RBFOX1: variants seen among roughly 807,000 people sequenced by gnomAD.
The protein encoded by RBFOX1 is RNA binding fox-1 homolog 1.
In RBFOX1, 8 loss-of-function variants were observed where a neutral mutation model predicts 57.7. The observed-to-expected ratio is 0.14, with a 90% CI of 0.08 to 0.25. The LOEUF (loss-of-function observed/expected upper bound fraction) is 0.25, where lower values mean the gene tolerates loss of function less well. RBFOX1 is among the 10% of genes least tolerant of loss of function. RBFOX1 has a pLI of 1.00. For missense variants in RBFOX1, 611 were observed against 548.5 expected (o/e 1.11, Z -1.14); for synonymous variants, 326 against 222.4 (o/e 1.47, Z -4.15).
At chr16:6,592,891 CAG>C (rs1234777312) in intron 2 of RBFOX1, among the ~76,000 whole-genome samples, 6 of 152,094 alleles carry the variant, frequency 3.9e-5, no homozygotes, top group African/African-American at 1.4e-4. Flanking sequence ...TGTGATTATG[CAG>C]AGAGAGTGGA....
At chr16:6,956,107 G>C (rs945974113) in intron 3 of RBFOX1, among the ~76,000 whole-genome samples, 1 of 152,052 alleles carries the variant, frequency 6.6e-6, no homozygotes, top group African/African-American at 2.4e-5. Context: ...TCTGAGTGAG[G>C]GCCACAGAGG....
chr16:6,125,337 T>C (rs984319592), intron 1 of RBFOX1, among the ~76,000 whole-genome samples: 1 of 152,206 alleles, frequency 6.6e-6, no homozygotes, highest in Non-Finnish European at 1.5e-5. Context: ...TAAGAGGGCC[T>C]TTTTCTCCCC....
chr16:6,155,645 C>T (rs1034251102), intron 1 of RBFOX1, among the ~76,000 whole-genome samples: 1 of 152,134 alleles, frequency 6.6e-6, no homozygotes. Context: ...CCATTATGGG[C>T]CGACTTTCTA....
intron 2 of RBFOX1, among the ~76,000 whole-genome samples, chr16:6,450,777 A>ATACATATACATATATACATG (rs1555480496): frequency 1.0e-4 from 4 of 39,526 alleles, no homozygotes; most frequent in South Asian, 1.2e-3. Context: ...GTATATATAT[A>ATACATATACATATATACATG]TATATATATA....
At chr16:6,485,514 C>G (rs550175430) in intron 2 of RBFOX1, among the ~76,000 whole-genome samples, 1 of 151,584 alleles carries the variant, frequency 6.6e-6, no homozygotes, top group African/African-American at 2.4e-5. Flanking sequence ...ATGTTTTGCA[C>G]GCTGGAGGAT....
intron 4 of RBFOX1, among the ~76,000 whole-genome samples, chr16:7,330,328 A>G (rs890265705): frequency 2.1e-5 from 3 of 146,286 alleles, no homozygotes; most frequent in African/African-American, 7.6e-5. Flanking sequence ...GTTATACTCT[A>G]TTGTTTAGGA....
At chr16:6,979,582 G>A (rs1232490931) in intron 3 of RBFOX1, among the ~76,000 whole-genome samples, 1 of 152,192 alleles carries the variant, frequency 6.6e-6, no homozygotes, top group African/African-American at 2.4e-5. Flanking sequence ...CAGGATTGCA[G>A]CACAGTACAG....
chr16:6,650,925 C>G (rs1448166595), intron 2 of RBFOX1, among the ~76,000 whole-genome samples: 3 of 152,038 alleles, frequency 2.0e-5, no homozygotes, highest in African/African-American at 7.2e-5. Flanking sequence ...TTTTTGGAAA[C>G]AGAGTCTCAC....
chr16:6,874,345 C>T (rs535177881), intron 3 of RBFOX1, among the ~76,000 whole-genome samples: 62 of 151,694 alleles, frequency 4.1e-4, no homozygotes, highest in African/African-American at 1.5e-3. Flanking sequence ...ACTGCATCTC[C>T]ACTAAAAATA....
chr16:6,773,083 ATG>A (rs2078649749), intron 3 of RBFOX1, among the ~76,000 whole-genome samples: 1 of 106,368 alleles, frequency 9.4e-6, no homozygotes, highest in Non-Finnish European at 1.8e-5. Context: ...GTGTATATGT[ATG>A]TGTGGGCGTG....
chr16:6,172,477 A>AGG (rs2096968728), intron 1 of RBFOX1, among the ~76,000 whole-genome samples: 1 of 152,176 alleles, frequency 6.6e-6, no homozygotes, highest in Non-Finnish European at 1.5e-5. Context: ...GCTGTCAACC[A>AGG]AAAATTGCCC....
At chr16:5,356,469 C>T (rs532863777) in intron 1 of RBFOX1, among the ~76,000 whole-genome samples, 67 of 152,276 alleles carry the variant, frequency 4.4e-4, no homozygotes, top group Admixed American at 1.2e-3. Context: ...TTCTTCAAGT[C>T]GCCTTGAGGA....
chr16:5,761,436 C>G (rs1009763685), intron 3 of RBFOX1, among the ~76,000 whole-genome samples: 1 of 152,086 alleles, frequency 6.6e-6, no homozygotes, highest in African/African-American at 2.4e-5. Context: ...AAAGACATAC[C>G]CAATACTGGA....
intron 2 of RBFOX1, among the ~76,000 whole-genome samples, chr16:5,539,116 A>G (rs2044824319): frequency 6.6e-6 from 1 of 152,162 alleles, no homozygotes; most frequent in Non-Finnish European, 1.5e-5. Flanking sequence ...TTCCGAGGGC[A>G]CGTAATTCTT....
intron 4 of RBFOX1, among the ~76,000 whole-genome samples, chr16:7,081,452 C>G (rs2059186448): frequency 6.6e-6 from 1 of 152,170 alleles, no homozygotes; most frequent in Non-Finnish European, 1.5e-5. Context: ...ATGGGGGAAT[C>G]AAAGGGAAGC....
intron 3 of RBFOX1, among the ~76,000 whole-genome samples, chr16:7,011,085 G>C (rs549382899): frequency 1.6e-3 from 230 of 147,224 alleles, no homozygotes; most frequent in Non-Finnish European, 2.6e-3. Context: ...TTTTTTTCCT[G>C]GGTGGGAAAG....
chr16:5,693,138 C>G (rs944286296), intron 3 of RBFOX1, among the ~76,000 whole-genome samples: 178 of 152,100 alleles, frequency 1.2e-3, no homozygotes, highest in Non-Finnish European at 1.5e-4. Context: ...CTGGTGTGAA[C>G]TGTGAAGCAC....
At chr16:6,152,205 A>G (rs17195591) in intron 1 of RBFOX1, among the ~76,000 whole-genome samples, 10,410 of 152,292 alleles carry the variant, frequency 0.068, 522 homozygotes, top group Middle Eastern at 0.13. Flanking sequence ...AGTCAATCCA[A>G]TGGAATAACA....
At chr16:5,789,943 G>A (rs1392883763) in intron 3 of RBFOX1, among the ~76,000 whole-genome samples, 3 of 152,160 alleles carry the variant, frequency 2.0e-5, no homozygotes, top group Non-Finnish European at 4.4e-5. Flanking sequence ...GGCAATGGTG[G>A]CTGCTATAAC....
Sources: gnomAD v4.1 joint callset for allele counts (sites outside exome capture counted in the v4.1 genomes callset) on GRCh38, gnomAD v4.1.1 for gene constraint, MANE v1.5 for transcripts, NCBI Gene and HGNC (gene_info 2026-07-23, HGNC 2026-07-21) for gene names.